The following JMJD1C variants were observed in gnomAD, a reference collection of about 807,000 sequenced individuals.
JMJD1C encodes the protein jumonji domain containing 1C.
In JMJD1C, 31 loss-of-function variants were observed where a neutral mutation model predicts 245.3. The observed-to-expected ratio is 0.13, with a 90% CI of 0.09 to 0.17. JMJD1C has a LOEUF of 0.17. JMJD1C is among the 10% of genes least tolerant of loss of function. JMJD1C has a pLI of 1.00. For missense variants in JMJD1C, 2,691 were observed against 3,000.2 expected, an observed-to-expected ratio of 0.90 and a Z score of 2.41; for synonymous variants, 1,057 against 1,017.4, an observed-to-expected ratio of 1.04 and a Z score of -0.74.
At chr10:63,196,606 G>C (rs893215123) in intron 13 of JMJD1C, among the ~76,000 whole-genome samples, 3 of 152,098 alleles carry the variant, frequency 2.0e-5, no homozygotes, top group African/African-American at 7.2e-5. Context: ...TCTGAAAAAA[G>C]AGCGGCCTGA....
At chr10:63,393,851 A>C (rs1948267494) in intron 1 of JMJD1C, among the ~76,000 whole-genome samples, 2 of 152,176 alleles carry the variant, frequency 1.3e-5, no homozygotes, top group Admixed American at 6.5e-5. Flanking sequence ...AGAGTTGCAC[A>C]GTTCACATTA....
At chr10:63,223,008 T>C (rs1232609474) in intron 3 of JMJD1C, 6 of 1,359,066 alleles carry the variant, frequency 4.4e-6, no homozygotes, top group South Asian at 1.2e-5. Flanking sequence ...GCCAATACAC[T>C]ATATAACAAT....
intron 2 of JMJD1C, among the ~76,000 whole-genome samples, chr10:63,287,471 A>C (rs1347657492): frequency 6.6e-6 from 1 of 152,256 alleles, no homozygotes; most frequent in Admixed American, 6.5e-5. Flanking sequence ...CAAACAAAAC[A>C]AAGACATTAG....
chr10:63,265,705 T>A (rs1468279685), intron 2 of JMJD1C, among the ~76,000 whole-genome samples: 2 of 152,150 alleles, frequency 1.3e-5, no homozygotes, highest in East Asian at 3.8e-4. Context: ...ATTTTTTAAC[T>A]GGAAAAAAGT....
At chr10:63,438,309 T>C (rs1249681104) in intron 1 of JMJD1C, among the ~76,000 whole-genome samples, 2 of 152,168 alleles carry the variant, frequency 1.3e-5, no homozygotes, top group African/African-American at 4.8e-5. Flanking sequence ...TCAGATGCAA[T>C]TCAGCAACCC....
intron 2 of JMJD1C, among the ~76,000 whole-genome samples, chr10:63,303,962 A>C (rs1434360103): frequency 6.6e-6 from 1 of 152,192 alleles, no homozygotes. Context: ...AATAGTAAGG[A>C]TATCCCTGAG....
intron 2 of JMJD1C, among the ~76,000 whole-genome samples, chr10:63,320,182 A>G (rs1940674265): frequency 1.3e-5 from 2 of 152,230 alleles, no homozygotes; most frequent in South Asian, 4.1e-4. Flanking sequence ...CTGGGATTAC[A>G]GGAGTGAACC....
chr10:63,356,600 C>T (rs1321995762), intron 2 of JMJD1C, among the ~76,000 whole-genome samples: 1 of 152,154 alleles, frequency 6.6e-6, no homozygotes, highest in Admixed American at 6.5e-5. Context: ...TTCAACTTTA[C>T]AATCATAAGA....
chr10:63,377,613 T>C (rs1946852850), intron 2 of JMJD1C, among the ~76,000 whole-genome samples: 1 of 151,994 alleles, frequency 6.6e-6, no homozygotes, highest in African/African-American at 2.4e-5. Context: ...CAGGCACCTG[T>C]AGTCCCAGCT....
chr10:63,190,549 ATAAT>A (rs937016417), intron 17 of JMJD1C, among the ~76,000 whole-genome samples: 1 of 152,156 alleles, frequency 6.6e-6, no homozygotes, highest in African/African-American at 2.4e-5. Flanking sequence ...TTCCTGGTAA[ATAAT>A]TAAAGCAAAA....
rs1021004282 is a variant in JMJD1C at position 63,335,039 on chromosome 10, A to T, written c.333+45279T>A. ...CTGTCTTTGGAAAAAAATAAAAAAA[A>T]AAAAAAATATTGTTCCTAACTAAGG... On this transcript the variant is annotated intron_variant, in intron 2 of 25. Coordinates refer to ENST00000399262, the MANE Select transcript of JMJD1C (RefSeq NM_032776.3). Among the ~76,000 whole-genome samples, 10 of 151,240 alleles carry T rather than the reference A, an allele frequency of 6.6e-5. 1 individual carries two copies. The highest frequency in any genetic ancestry group is 2.1e-4 in the South Asian group (1 of 4,788).
chr10:63,483,080 C>A (rs1182330448), intron 1 of JMJD1C, among the ~76,000 whole-genome samples: 2 of 152,092 alleles, frequency 1.3e-5, no homozygotes, highest in Non-Finnish European at 2.9e-5. Context: ...ACTATAAAAT[C>A]TAATGTAAAG....
At chr10:63,259,229 A>G (rs897852883) in intron 3 of JMJD1C, among the ~76,000 whole-genome samples, 4 of 152,254 alleles carry the variant, frequency 2.6e-5, no homozygotes, top group African/African-American at 7.2e-5. Context: ...AAACTTTGTC[A>G]GTGGACCACT....
At position 63,203,767 on chromosome 10, in the gene JMJD1C, CTAT is replaced by C. The variant is rs1255594510; in HGVS notation, c.5074+2825_5074+2827del. On this transcript the variant is annotated intron_variant, in intron 10 of 25. Coordinates refer to ENST00000399262, the MANE Select transcript of JMJD1C (RefSeq NM_032776.3). ...TAGCTTTAATGTACTAAGAAACACA[CTAT>C]TATGTGTATGTGTATATAAAATATA... is the stretch of plus-strand genomic sequence containing the variant. The C allele has an allele frequency of 1.7e-5, 16 of 956,272 alleles. No individual in the cohort carries two copies. In the Admixed American group the frequency reaches 5.6e-4, roughly 33 times the overall value. The allele number at this position is 956,272 out of a possible 1,614,324, so 59.2% of individuals were successfully genotyped here.
chr10:63,463,314 G>T (rs2133102440), intron 1 of JMJD1C, among the ~76,000 whole-genome samples: 1 of 152,178 alleles, frequency 6.6e-6, no homozygotes, highest in Non-Finnish European at 1.5e-5. Flanking sequence ...CACAGGCATT[G>T]TACTACTATG....
At chr10:63,457,342 T>C (rs750750968) in intron 1 of JMJD1C, among the ~76,000 whole-genome samples, 1 of 152,178 alleles carries the variant, frequency 6.6e-6, no homozygotes, top group Non-Finnish European at 1.5e-5. Context: ...TGGTTTCACA[T>C]GAAGATAATA....
chr10:63,484,517 T>C (rs1297894694), intron 1 of JMJD1C, among the ~76,000 whole-genome samples: 1 of 152,122 alleles, frequency 6.6e-6, no homozygotes, highest in African/African-American at 2.4e-5. Flanking sequence ...ACTTCAATAG[T>C]GGCCTTTGTG....
At chr10:63,212,607 C>G (rs952591100) in intron 8 of JMJD1C, among the ~76,000 whole-genome samples, 2 of 152,078 alleles carry the variant, frequency 1.3e-5, no homozygotes, top group African/African-American at 4.8e-5. Context: ...GCTTTACCCT[C>G]AAATACTGGG....
chr10:63,470,853 C>T (rs566279502), upstream of JMJD1C, among the ~76,000 whole-genome samples: 158 of 152,264 alleles, frequency 1.0e-3, 1 homozygote, highest in African/African-American at 3.5e-3. Flanking sequence ...TCTGGCTGCA[C>T]AGGAATGTAC....
Sources: gnomAD v4.1 joint callset for allele counts (sites outside exome capture counted in the v4.1 genomes callset) on GRCh38, gnomAD v4.1.1 for gene constraint, MANE v1.5 for transcripts, NCBI Gene and HGNC (gene_info 2026-07-23, HGNC 2026-07-21) for gene names.